The following TDRD9 variants were observed in gnomAD, a reference collection of about 807,000 sequenced individuals.
The protein encoded by TDRD9 is tudor domain containing 9.
TDRD9 carries 124 observed loss-of-function variants against 172.6 expected under a neutral mutation model. That is an observed-to-expected ratio of 0.72 (90% CI 0.62 to 0.83). The LOEUF is 0.83. Among genes scored for constraint, TDRD9 ranks in the 40% least tolerant of loss-of-function variants. The pLI is 0.00. For synonymous variants in TDRD9, 619 were observed against 617.1 expected (o/e 1.00, Z -0.05); for missense variants, 1,479 against 1,714.1 (o/e 0.86, Z 2.42).
intron 32 of TDRD9, among the ~76,000 whole-genome samples, chr14:104,039,402 C>T (rs1186209263): frequency 6.6e-6 from 1 of 152,218 alleles, no homozygotes; most frequent in Non-Finnish European, 1.5e-5. Flanking sequence ...TTACTGTAGT[C>T]ACAGTCACAG....
intron 25 of TDRD9, 36 bp from the exon 26 acceptor site, chr14:104,025,527 TC>T: frequency 3.8e-6 from 6 of 1,580,064 alleles, no homozygotes; most frequent in Non-Finnish European, 4.3e-6. Flanking sequence ...AAAAGTCCTT[TC>T]TAGATTTCAT....
At chr14:104,008,582 A>C in intron 20 of TDRD9, 116 bp downstream of exon 20, 2 of 674,478 alleles carry the variant, frequency 3.0e-6, no homozygotes, top group Non-Finnish European at 5.1e-6. Context: ...CAAGAAGTGT[A>C]TTTCCTGCCT....
chr14:103,932,861 A>AT (rs899301920), intron 1 of TDRD9, among the ~76,000 whole-genome samples: 64 of 150,514 alleles, frequency 4.3e-4, no homozygotes, highest in South Asian at 2.5e-3. Flanking sequence ...AACATGGGCA[A>AT]TTTTTTTTTT....
chr14:104,024,774 ACACACACACACACACAGAACTTGTGCAC>A lies in TDRD9; in HGVS notation c.2718+96_2718+123del, dbSNP rs1418228162. On this transcript the variant is annotated intron_variant, in intron 25 of 35. Transcript: ENST00000409874. ...TACACACACACACACACACACACACACACACACACACACACAGAACTTGTGCACCTTGGTAATCTTGTTAATGTGGGTG... is the reference window on the plus strand; with the variant it reads ...TACACACACACACACACACACACACACTTGGTAATCTTGTTAATGTGGGTG... 1.5e-5 allele frequency: 8 copies of A among 528,916 alleles called. No individual in the cohort carries two copies. The Middle Eastern group carries it at 9.5e-4, about 63-fold the overall frequency. The allele number at this position is 528,916 out of a possible 1,614,324, so 32.8% of individuals were successfully genotyped here.
intron 34 of TDRD9, among the ~76,000 whole-genome samples, chr14:104,046,011 C>T (rs190866867): frequency 6.6e-6 from 1 of 152,312 alleles, no homozygotes; most frequent in African/African-American, 2.4e-5. Context: ...GGCTGGAGTA[C>T]AGTGGTGCAG....
chr14:103,989,860 G>A (rs573997483), intron 8 of TDRD9, among the ~76,000 whole-genome samples: 24 of 152,374 alleles, frequency 1.6e-4, no homozygotes, highest in African/African-American at 5.5e-4. Flanking sequence ...CACGTCCACA[G>A]GCAGGGCCTC....
At chr14:104,002,267 A>G (rs2034284789) in intron 13 of TDRD9, among the ~76,000 whole-genome samples, 3 of 149,110 alleles carry the variant, frequency 2.0e-5, no homozygotes, top group African/African-American at 4.9e-5. Flanking sequence ...CAGTTGAGCC[A>G]TGATTGCGCC....
chr14:103,970,722 G>C, intron 6 of TDRD9, 101 bp downstream of exon 6: 1 of 879,726 alleles, frequency 1.1e-6, no homozygotes, highest in African/African-American at 1.7e-5. Context: ...AGCATTCTGG[G>C]ACCCCGGACA....
At chr14:104,025,069 C>T (rs2035073592) in intron 25 of TDRD9, among the ~76,000 whole-genome samples, 1 of 152,200 alleles carries the variant, frequency 6.6e-6, no homozygotes, top group African/African-American at 2.4e-5. Context: ...GCAACCTCTG[C>T]CTTCTGGGTT....
chr14:103,981,873 A>C (rs753896839), intron 7 of TDRD9, among the ~76,000 whole-genome samples: 2 of 152,196 alleles, frequency 1.3e-5, no homozygotes, highest in African/African-American at 2.4e-5. Context: ...AGTCTGTGTT[A>C]ATTTTGAGCT....
intron 7 of TDRD9, among the ~76,000 whole-genome samples, chr14:103,979,410 C>T (rs1047362132): frequency 2.0e-5 from 3 of 152,206 alleles, no homozygotes; most frequent in Non-Finnish European, 4.4e-5. Context: ...GTTCTGCAGG[C>T]TATACAAGAA....
At chr14:103,972,313 A>C (rs953208914) in intron 6 of TDRD9, among the ~76,000 whole-genome samples, 1 of 152,188 alleles carries the variant, frequency 6.6e-6, no homozygotes, top group Non-Finnish European at 1.5e-5. Context: ...TTTAAAAAAA[A>C]AAACAAAAAC....
At chr14:103,995,897 C>T in intron 12 of TDRD9, 90 bp downstream of exon 12, 1 of 1,182,750 alleles carries the variant, frequency 8.5e-7, no homozygotes, top group South Asian at 1.5e-5. Flanking sequence ...TTCTTCTCTT[C>T]CTTCCCATCT....
intron 23 of TDRD9, among the ~76,000 whole-genome samples, chr14:104,021,429 T>A (rs1324204793): frequency 1.3e-5 from 2 of 152,314 alleles, no homozygotes; most frequent in African/African-American, 4.8e-5. Context: ...GCGCTGTGGC[T>A]CAGTCCTGTA....
At chr14:103,937,937 A>T (rs997159172) in intron 1 of TDRD9, among the ~76,000 whole-genome samples, 1 of 152,098 alleles carries the variant, frequency 6.6e-6, no homozygotes, top group East Asian at 1.9e-4. Flanking sequence ...TGAGCATCCA[A>T]GAGGAGGTGT....
At chr14:103,977,307 C>T (rs564172221) in intron 7 of TDRD9, among the ~76,000 whole-genome samples, 63 of 151,778 alleles carry the variant, frequency 4.2e-4, no homozygotes, top group Middle Eastern at 3.4e-3. Context: ...CTGGCTAACA[C>T]GGTGAAACCC....
intron 34 of TDRD9, among the ~76,000 whole-genome samples, chr14:104,047,166 C>G (rs1596034717): frequency 6.6e-6 from 1 of 152,186 alleles, no homozygotes; most frequent in African/African-American, 2.4e-5. Flanking sequence ...TCTAATTTCT[C>G]TTAATACTGT....
rs1275444344 is a variant in TDRD9 at position 103,991,177 on chromosome 14, G to C, written c.1133G>C (p.Gly378Ala). 1 of 1,613,930 alleles carries C rather than the reference G, an allele frequency of 6.2e-7. No homozygotes were observed. The highest frequency in any genetic ancestry group is 1.3e-5 in the African/African-American group (1 of 75,032). The change falls in exon 9 of 36, where the codon GGG (glycine) becomes GCG (alanine). Residue 378 changes from glycine to alanine, a missense_variant. By Grantham distance (60) the Gly-to-Ala change is moderately conservative. Coordinates refer to ENST00000409874, the MANE Select transcript of TDRD9 (RefSeq NM_153046.3). ...MKESGNKAWS[G>A]AQFVLERSSV... ...TTTAACAGGAACAAGGCTTGGTCGGGGGCCCAGTTTGTGTTGGAGCGAAGC... is the reference window on the plus strand; with the variant it reads ...TTTAACAGGAACAAGGCTTGGTCGGCGGCCCAGTTTGTGTTGGAGCGAAGC...
intron 12 of TDRD9, among the ~76,000 whole-genome samples, chr14:103,996,093 C>G (rs929310586): frequency 6.6e-6 from 1 of 152,130 alleles, no homozygotes; most frequent in African/African-American, 2.4e-5. Context: ...AGGTGGAGTT[C>G]TGTGACTGGA....
Sources: allele counts gnomAD v4.1 joint callset (sites outside exome capture counted in the v4.1 genomes callset), GRCh38; gene constraint gnomAD v4.1.1; transcripts MANE v1.5; gene names NCBI Gene and HGNC (gene_info 2026-07-23, HGNC 2026-07-21).